Variants in PCSK9 observed in about 807,000 individuals in gnomAD.
The protein encoded by PCSK9 is proprotein convertase subtilisin/kexin type 9, also known as convertase subtilisin/kexin type 9 preproprotein.
Under a neutral mutation model 62.1 loss-of-function variants are expected in PCSK9, and 57 were observed. That is an observed-to-expected ratio of 0.92 (90% CI 0.74 to 1.14). The LOEUF is 1.14. Ranked by LOEUF, PCSK9 falls within the 50% of genes most tolerant of loss-of-function variation. PCSK9 has a pLI of 0.00. For synonymous variants in PCSK9, 387 were observed against 409.4 expected, an observed-to-expected ratio of 0.95 and a Z score of 0.66; for missense variants, 870 against 959.8, an observed-to-expected ratio of 0.91 and a Z score of 1.24.
chr1:55,059,688 G>C, intron 10 of PCSK9, 25 bp downstream of exon 10: 5 of 1,547,280 alleles, frequency 3.2e-6, no homozygotes, highest in Non-Finnish European at 3.5e-6. Context: ...TTGCCCTGGG[G>C]TGAGGAGGGG....
At chr1:55,052,477 A>G in intron 4 of PCSK9, 66 bp downstream of exon 4, 1 of 1,610,962 alleles carries the variant, frequency 6.2e-7, no homozygotes, top group African/African-American at 1.3e-5. Flanking sequence ...GTGGGTGGGG[A>G]CTGCCACCCC....
chr1:55,059,838 TCTC>T (rs1472354396), intron 10 of PCSK9, among the ~76,000 whole-genome samples, 175 bp downstream of exon 10: 19 of 152,206 alleles, frequency 1.2e-4, no homozygotes, highest in African/African-American at 4.3e-4. Context: ...TGACCTTACT[TCTC>T]CTCATCTCAG....
intron 9 of PCSK9, among the ~76,000 whole-genome samples, 188 bp downstream of exon 9, chr1:55,058,835 T>G (rs898184799): frequency 6.6e-6 from 1 of 152,138 alleles, no homozygotes; most frequent in East Asian, 1.9e-4. Context: ...TTCACGCGGC[T>G]GGGGGCTGCT....
In PCSK9 at chr1:55,063,427, C is replaced by T. The variant is rs763903895; in HGVS notation, c.1922C>T (p.Thr641Ile). Residue 641 changes from threonine to isoleucine, a missense_variant, in exon 12 of 12, where the codon ACC (threonine) becomes ATC (isoleucine). By Grantham distance (89) the Thr-to-Ile change is moderately conservative (BLOSUM62 -1). Transcript: ENST00000302118. ...ACTGGCTGCAGTGCCCTCCCTGGGACCTCCCACGTCCTGGGGGCCTACGCC... is the reference window on the plus strand; with the variant it reads ...ACTGGCTGCAGTGCCCTCCCTGGGATCTCCCACGTCCTGGGGGCCTACGCC... Reference protein sequence around the residue: ...TLTGCSALPGTSHVLGAYAVD... With the variant: ...TLTGCSALPGISHVLGAYAVD... 2 of 1,613,988 alleles carry T rather than the reference C, an allele frequency of 1.2e-6. No homozygotes were observed. The highest frequency in any genetic ancestry group is 2.2e-5 in the South Asian group (2 of 91,064).
intron 10 of PCSK9, 115 bp from the exon 11 acceptor site, chr1:55,061,260 T>G: frequency 1.7e-6 from 2 of 1,202,054 alleles, no homozygotes; most frequent in Non-Finnish European, 2.3e-6. Flanking sequence ...TTGAGTTGTT[T>G]CTAGGTTTCC....
At chr1:55,060,396 G>A (rs551558579) in intron 10 of PCSK9, among the ~76,000 whole-genome samples, 163 of 152,280 alleles carry the variant, frequency 1.1e-3, no homozygotes, top group African/African-American at 2.7e-3. Context: ...GTTGATTCTC[G>A]TCTGAGCACG....
At chr1:55,056,261 G>A in intron 6 of PCSK9, 72 bp downstream of exon 6, 1 of 242,026 alleles carries the variant, frequency 4.1e-6, no homozygotes, top group Non-Finnish European at 8.6e-6. Context: ...AGGGCGGGCG[G>A]GCAGGCGGGC....
rs1644728226 is a variant in PCSK9 at position 55,058,000 on chromosome 1, G to C, written c.1181-36G>C. On this transcript the variant is annotated intron_variant, in intron 7 of 11. Transcript: ENST00000302118. ...TCCCCTGCTGGGGCAGGAGGGCCGG[G>C]CCATCACCATCTTTCACCATTCACC... The C allele has an allele frequency of 1.9e-6, 3 of 1,613,158 alleles. No homozygotes were observed. The East Asian group carries it at 6.7e-5, about 36-fold the overall frequency.
intron 3 of PCSK9, among the ~76,000 whole-genome samples, chr1:55,050,262 C>A (rs1325641019): frequency 2.0e-5 from 3 of 152,230 alleles, no homozygotes; most frequent in South Asian, 2.1e-4. Context: ...ATGGGCCTGG[C>A]ACCATCTGGC....
intron 3 of PCSK9, chr1:55,051,849 C>T (rs1052265157): frequency 1.0e-5 from 3 of 287,270 alleles, no homozygotes; most frequent in South Asian, 3.4e-5. Context: ...GCGCAGGTGG[C>T]CAGACATCAC....
chr1:55,052,084 C>G (rs1261029896), intron 3 of PCSK9, 194 bp from the exon 4 acceptor site: 6 of 793,822 alleles, frequency 7.6e-6, no homozygotes, highest in South Asian at 6.5e-5. Flanking sequence ...CCTCTCTAGG[C>G]CTCCCTTTCC....
intron 1 of PCSK9, 31 bp from the exon 2 acceptor site, chr1:55,043,812 T>C (rs1356186837): frequency 1.2e-6 from 2 of 1,612,798 alleles, no homozygotes; most frequent in Non-Finnish European, 1.7e-6. Context: ...GTTTCTTCCA[T>C]GTCATCATGT....
Position 55,052,401 on chromosome 1 carries a change from T to A in PCSK9, c.647T>A (p.Phe216Tyr). Residue 216 changes from phenylalanine to tyrosine, a missense_variant, in exon 4 of 12, where the codon TTC becomes TAC. Transcript: ENST00000302118. Reference protein sequence around the residue: ...ENVPEEDGTRFHRQASKCDSH... With the variant: ...ENVPEEDGTRYHRQASKCDSH... ...GTGCCCGAGGAGGACGGGACCCGCTTCCACAGACAGGTAAGCACGGCCGTC... is the reference window on the plus strand; with the variant it reads ...GTGCCCGAGGAGGACGGGACCCGCTACCACAGACAGGTAAGCACGGCCGTC... 1.2e-6 allele frequency: 2 copies of A among 1,613,700 alleles called. No individual in the cohort carries two copies. Among genetic ancestry groups the A allele is most frequent in the Non-Finnish European group, 1.7e-6 (2 of 1,179,996 alleles).
Position 55,059,574 on chromosome 1 carries a change from A to G in PCSK9, c.1592A>G (p.Gln531Arg). ...ATTGCCAGGTGCTGCCTGCTACCCC[A>G]GGCCAACTGCAGCGTCCACACAGCT... ...YAIARCCLLP[Q>R]ANCSVHTAPP... is the part of the protein sequence containing the mutation. Residue 531 changes from glutamine (Q) to arginine (R), a missense_variant, in exon 10 of 12, where the codon CAG becomes CGG. Gln to Arg is a conservative substitution (Grantham distance 43, BLOSUM62 1). Transcript: ENST00000302118. 1.3e-6 allele frequency: 2 copies of G among 1,555,096 alleles called. No homozygotes were observed. The highest frequency in any genetic ancestry group is 1.2e-5 in the South Asian group (1 of 84,336).
At position 55,061,571 on chromosome 1, in the gene PCSK9, G is replaced by A; in HGVS notation, c.1863+15G>A. On this transcript the variant is annotated intron_variant, in intron 11 of 11. Transcript: ENST00000302118. ...CTCAGGAGCAGGTGAAGAGGCCCGT[G>A]AGGCCGGGTGGGTGGGGTGCTGCGT... 1 of 1,579,914 alleles carries A rather than the reference G, an allele frequency of 6.3e-7. No individual in the cohort carries two copies. The highest frequency in any genetic ancestry group is 8.6e-7 in the Non-Finnish European group (1 of 1,162,788).
Position 55,039,774 on chromosome 1 carries a change from C to T in PCSK9, c.-64C>T, listed in dbSNP as rs45448095. ...CCCACCGCAAGGCTCAAGGCGCCGC[C>T]GGCGTGGACCGCGCACGGCCTCTAG... On this transcript the variant is annotated 5_prime_UTR_variant, in exon 1 of 12. Coordinates refer to ENST00000302118, the MANE Select transcript of PCSK9 (RefSeq NM_174936.4). 0.13 allele frequency: 205,427 copies of T among 1,546,470 alleles called. 14,642 individuals carry two copies. Among genetic ancestry groups the T allele is most frequent in the South Asian group, 0.15 (12,650 of 84,562 alleles).
chr1:55,044,533 G>A (rs192624952), intron 2 of PCSK9, among the ~76,000 whole-genome samples: 14 of 152,220 alleles, frequency 9.2e-5, no homozygotes, highest in Middle Eastern at 3.4e-3. Flanking sequence ...TCACATCTTC[G>A]GTGGAGGGGC....
chr1:55,041,612 T>C lies in PCSK9; in HGVS notation c.207+1568T>C, dbSNP rs28385705. On this transcript the variant is annotated intron_variant, in intron 1 of 11. Transcript: ENST00000302118. ...CAATGGTTATTTTGTGGGAATCGAATTTAGAATGAAAATATTTTTTGGCAA... is the reference window on the plus strand; with the variant it reads ...CAATGGTTATTTTGTGGGAATCGAACTTAGAATGAAAATATTTTTTGGCAA... Among the ~76,000 whole-genome samples the C allele has an allele frequency of 3.2e-3, 492 of 152,324 alleles. 5 individuals carry two copies. Among genetic ancestry groups the C allele is most frequent in the Non-Finnish European group, 4.7e-3 (320 of 68,026 alleles).
At chr1:55,058,305 G>A in intron 8 of PCSK9, 96 bp downstream of exon 8, 2 of 1,512,580 alleles carry the variant, frequency 1.3e-6, no homozygotes, top group South Asian at 1.2e-5. Flanking sequence ...TGTGTAAGGA[G>A]GATGACGCCA....
Sources: gnomAD v4.1 joint callset for allele counts (sites outside exome capture counted in the v4.1 genomes callset) on GRCh38, gnomAD v4.1.1 for gene constraint, MANE v1.5 for transcripts, NCBI Gene and HGNC (gene_info 2026-07-23, HGNC 2026-07-21) for gene names.